The following CLASP1 variants were observed in gnomAD, a reference collection of about 807,000 sequenced individuals.
CLASP1 encodes CLIP-associating protein 1.
A neutral mutation model predicts 192.3 loss-of-function variants in CLASP1; 38 were observed. The observed-to-expected ratio is 0.20, with a 90% CI of 0.15 to 0.26. CLASP1 has a LOEUF of 0.26. Among genes scored for constraint, CLASP1 ranks in the 10% least tolerant of loss-of-function variants. The pLI is 1.00. For missense variants in CLASP1, 1,433 were observed against 1,932.5 expected (o/e 0.74, Z 4.85); for synonymous variants, 691 against 712.8 (o/e 0.97, Z 0.49).
intron 18 of CLASP1, among the ~76,000 whole-genome samples, 164 bp downstream of exon 18, chr2:121,448,112 G>A (rs955981689): frequency 6.6e-6 from 1 of 152,222 alleles, no homozygotes; most frequent in South Asian, 2.1e-4. Context: ...CTGACAAAGC[G>A]GAGCTCTGCT....
intron 1 of CLASP1, among the ~76,000 whole-genome samples, chr2:121,647,638 A>G (rs529789056): frequency 2.9e-4 from 44 of 152,358 alleles, no homozygotes; most frequent in Non-Finnish European, 3.7e-4. Context: ...CCTCTTTTAC[A>G]TAAATAAAGT....
intron 8 of CLASP1, among the ~76,000 whole-genome samples, chr2:121,483,340 T>C (rs1451227303): frequency 2.0e-5 from 3 of 152,110 alleles, no homozygotes; most frequent in Non-Finnish European, 4.4e-5. Context: ...CAGGATAGCA[T>C]GAAAAGAATT....
chr2:121,637,864 C>T (rs188410641), intron 1 of CLASP1, among the ~76,000 whole-genome samples: 169 of 149,898 alleles, frequency 1.1e-3, no homozygotes, highest in African/African-American at 3.1e-3. Context: ...CTAGCCTGGG[C>T]GACAGAGTGA....
intron 24 of CLASP1, among the ~76,000 whole-genome samples, chr2:121,409,498 G>C (rs2077385546): frequency 6.6e-6 from 1 of 152,184 alleles, no homozygotes; most frequent in Non-Finnish European, 1.5e-5. Context: ...AATCTAATGG[G>C]AGCTAGAGCT....
intron 2 of CLASP1, among the ~76,000 whole-genome samples, chr2:121,545,872 T>A (rs562624313): frequency 1.6e-4 from 24 of 151,516 alleles, no homozygotes; most frequent in Admixed American, 1.6e-3. Context: ...AAAAAAAAAG[T>A]GTCTCAGAAT....
chr2:121,482,861 T>C (rs2092696234), intron 8 of CLASP1, among the ~76,000 whole-genome samples: 1 of 152,108 alleles, frequency 6.6e-6, no homozygotes, highest in Non-Finnish European at 1.5e-5. Flanking sequence ...TTTCCAGACA[T>C]ATGTGTGTTA....
intron 14 of CLASP1, among the ~76,000 whole-genome samples, chr2:121,452,284 A>C (rs1015594815): frequency 6.6e-6 from 1 of 152,160 alleles, no homozygotes; most frequent in Non-Finnish European, 1.5e-5. Flanking sequence ...TACCTTGAAA[A>C]ACTAAGTGCT....
intron 8 of CLASP1, among the ~76,000 whole-genome samples, chr2:121,495,547 G>A (rs1256708140): frequency 6.6e-6 from 1 of 152,006 alleles, no homozygotes; most frequent in Non-Finnish European, 1.5e-5. Flanking sequence ...TGTAATCCCA[G>A]CTACTTGGGA....
chr2:121,596,422 C>T (rs1431216346), intron 2 of CLASP1, among the ~76,000 whole-genome samples: 1 of 152,138 alleles, frequency 6.6e-6, no homozygotes, highest in African/African-American at 2.4e-5. Context: ...TAATCTGAAT[C>T]CAATAATCTT....
intron 1 of CLASP1, among the ~76,000 whole-genome samples, chr2:121,634,664 C>T (rs1240768742): frequency 1.3e-5 from 2 of 152,196 alleles, no homozygotes; most frequent in African/African-American, 4.8e-5. Context: ...GCTTTTCCCA[C>T]TATGTTTACT....
chr2:121,425,081 A>G, intron 22 of CLASP1, 58 bp downstream of exon 22: 1 of 1,487,506 alleles, frequency 6.7e-7, no homozygotes, highest in Non-Finnish European at 9.2e-7. Context: ...TCATTAGATT[A>G]TAATCAAAAC....
At chr2:121,354,150 C>T (rs913528023) in intron 37 of CLASP1, among the ~76,000 whole-genome samples, 1 of 152,174 alleles carries the variant, frequency 6.6e-6, no homozygotes, top group Non-Finnish European at 1.5e-5. Flanking sequence ...CTTGGATTTA[C>T]ATTTTTCCTA....
chr2:121,568,555 G>A (rs1471655993), intron 2 of CLASP1, among the ~76,000 whole-genome samples: 1 of 151,126 alleles, frequency 6.6e-6, no homozygotes, highest in African/African-American at 2.4e-5. Context: ...ACTGAAAGAA[G>A]GAATGAGTCT....
chr2:121,470,649 CTTTT>C (rs565016477), intron 8 of CLASP1: 7 of 451,866 alleles, frequency 1.5e-5, no homozygotes, highest in Non-Finnish European at 2.2e-5. Context: ...CTTTCCTACA[CTTTT>C]TTTTGTTTGT....
intron 19 of CLASP1, among the ~76,000 whole-genome samples, chr2:121,435,858 T>A (rs1212814966): frequency 1.3e-5 from 2 of 152,178 alleles, no homozygotes; most frequent in African/African-American, 4.8e-5. Context: ...AATGGTAACA[T>A]CTTACAAAGC....
intron 19 of CLASP1, 25 bp downstream of exon 19, chr2:121,447,312 G>T: frequency 6.3e-7 from 1 of 1,576,178 alleles, no homozygotes; most frequent in East Asian, 2.3e-5. Context: ...GTGCAGGAGG[G>T]AAAGGGTGAC....
At chr2:121,415,990 T>A (rs1328805990) in intron 23 of CLASP1, among the ~76,000 whole-genome samples, 1 of 152,230 alleles carries the variant, frequency 6.6e-6, no homozygotes, top group Non-Finnish European at 1.5e-5. Flanking sequence ...AAGAATATTA[T>A]AAAATTATCA....
chr2:121,483,232 G>A (rs1040388902), intron 8 of CLASP1, among the ~76,000 whole-genome samples: 31 of 152,188 alleles, frequency 2.0e-4, no homozygotes, highest in African/African-American at 5.3e-4. Flanking sequence ...CCTCACTATT[G>A]TCTTCTGTAC....
intron 2 of CLASP1, among the ~76,000 whole-genome samples, chr2:121,543,081 C>T (rs2095265441): frequency 6.6e-6 from 1 of 152,200 alleles, no homozygotes; most frequent in African/African-American, 2.4e-5. Flanking sequence ...TTTCATTTAA[C>T]TTTGCTTAAT....
Sources: allele counts gnomAD v4.1 joint callset (sites outside exome capture counted in the v4.1 genomes callset), GRCh38; gene constraint gnomAD v4.1.1; transcripts MANE v1.5; gene names NCBI Gene and HGNC (gene_info 2026-07-23, HGNC 2026-07-21).